The following TDRP variants were observed in gnomAD, a reference collection of about 807,000 sequenced individuals.
TDRP encodes the protein testis development-related protein.
TDRP carries 12 observed loss-of-function variants against 10.5 expected under a neutral mutation model. The observed-to-expected ratio is 1.15, with a 90% confidence interval of 0.73 to 1.86. The LOEUF (loss-of-function observed/expected upper bound fraction) is 1.86, where lower values mean the gene tolerates loss of function less well. TDRP is among the 40% of genes most tolerant of loss of function. TDRP has a pLI of 0.00. For synonymous variants in TDRP, 139 were observed against 95.4 expected, an observed-to-expected ratio of 1.46 and a Z score of -2.67; for missense variants, 353 against 229.2, an observed-to-expected ratio of 1.54 and a Z score of -3.49.
chr8:507,007 A>C (rs1002560898), intron 1 of TDRP, among the ~76,000 whole-genome samples: 1 of 152,200 alleles, frequency 6.6e-6, no homozygotes. Flanking sequence ...ACAGTTCTGC[A>C]AGCTTAACAG....
At chr8:515,395 G>C (rs1801730968) in intron 1 of TDRP, among the ~76,000 whole-genome samples, 1 of 152,176 alleles carries the variant, frequency 6.6e-6, no homozygotes, top group African/African-American at 2.4e-5. Flanking sequence ...CCCCTTATCT[G>C]AGATGCTTGG....
intron 1 of TDRP, among the ~76,000 whole-genome samples, chr8:508,587 C>T (rs1801529444): frequency 1.3e-5 from 2 of 152,132 alleles, no homozygotes; most frequent in African/African-American, 2.4e-5. Flanking sequence ...GGGAAACCAC[C>T]CCCAGGATCC....
chr8:509,951 T>C (rs1801567604), intron 1 of TDRP, among the ~76,000 whole-genome samples: 1 of 152,170 alleles, frequency 6.6e-6, no homozygotes, highest in South Asian at 2.1e-4. Context: ...ACCTGAGAAG[T>C]GGAGGTTGCA....
At chr8:526,834 T>C (rs1274983956) in intron 1 of TDRP, among the ~76,000 whole-genome samples, 1 of 152,164 alleles carries the variant, frequency 6.6e-6, no homozygotes, top group Middle Eastern at 3.2e-3. Context: ...TTATTCAACG[T>C]AGTACTGGAA....
At chr8:543,648 C>T (rs1802558597) in intron 1 of TDRP, among the ~76,000 whole-genome samples, 1 of 151,732 alleles carries the variant, frequency 6.6e-6, no homozygotes, top group Non-Finnish European at 1.5e-5. Context: ...TTAACATAAT[C>T]GGCTCCATTT....
intron 1 of TDRP, among the ~76,000 whole-genome samples, chr8:507,044 A>C (rs944235165): frequency 6.6e-6 from 1 of 152,194 alleles, no homozygotes; most frequent in Admixed American, 6.5e-5. Context: ...GCTTTGGGAA[A>C]CTTACAATCA....
intron 1 of TDRP, among the ~76,000 whole-genome samples, chr8:522,216 G>C (rs913214992): frequency 6.6e-6 from 1 of 152,108 alleles, no homozygotes; most frequent in Non-Finnish European, 1.5e-5. Context: ...TCACACATTT[G>C]AGCACTCTGC....
intron 1 of TDRP, among the ~76,000 whole-genome samples, chr8:505,959 A>G (rs1314510938): frequency 6.6e-6 from 1 of 152,152 alleles, no homozygotes; most frequent in Non-Finnish European, 1.5e-5. Context: ...GTCCCTAAGC[A>G]GCAGGGTAGT....
At chr8:527,162 AT>A (rs1802056275) in intron 1 of TDRP, among the ~76,000 whole-genome samples, 1 of 152,190 alleles carries the variant, frequency 6.6e-6, no homozygotes, top group Non-Finnish European at 1.5e-5. Context: ...AAAAAATAAA[AT>A]TAAAAAAGTA....
At chr8:530,815 G>A (rs1247769811) in intron 1 of TDRP, among the ~76,000 whole-genome samples, 1 of 152,156 alleles carries the variant, frequency 6.6e-6, no homozygotes, top group Non-Finnish European at 1.5e-5. Flanking sequence ...TGAAAAGCCA[G>A]AATGTTAAAT....
chr8:504,238 A>G (rs1000212146), intron 1 of TDRP, among the ~76,000 whole-genome samples: 5 of 152,208 alleles, frequency 3.3e-5, no homozygotes, highest in African/African-American at 1.2e-4. Context: ...TTCTGCAAAC[A>G]TATCTTTTAA....
intron 1 of TDRP, among the ~76,000 whole-genome samples, chr8:522,609 C>T (rs890897546): frequency 3.9e-5 from 6 of 152,280 alleles, no homozygotes; most frequent in African/African-American, 4.8e-5. Context: ...TGCTTTGCCC[C>T]GCACAGATCT....
At chr8:533,033 G>T (rs1802248090) in intron 1 of TDRP, among the ~76,000 whole-genome samples, 1 of 152,142 alleles carries the variant, frequency 6.6e-6, no homozygotes, top group African/African-American at 2.4e-5. Context: ...TTGCCCCAAA[G>T]TCCCAAAATG....
At chr8:524,413 A>C (rs2116832847) in intron 1 of TDRP, among the ~76,000 whole-genome samples, 1 of 152,306 alleles carries the variant, frequency 6.6e-6, no homozygotes, top group South Asian at 2.1e-4. Flanking sequence ...ACAAGAATCA[A>C]GATCATCCAG....
chr8:492,820 A>T, intron 2 of TDRP, 76 bp from the exon 3 acceptor site: 1 of 1,147,174 alleles, frequency 8.7e-7, no homozygotes, highest in Non-Finnish European at 1.2e-6. Flanking sequence ...TACAAACATA[A>T]AATTCTTTAA....
At chr8:529,483 T>C (rs11776347) in intron 1 of TDRP, among the ~76,000 whole-genome samples, 2,962 of 152,324 alleles carry the variant, frequency 0.019, 47 homozygotes, top group Non-Finnish European at 0.025. Flanking sequence ...CATATACTTT[T>C]ATATTGCTAT....
Position 544,672 on chromosome 8 carries a change from G to A in TDRP, c.86C>T (p.Ala29Val), listed in dbSNP as rs761824588. The change falls in exon 1 of 3, where the codon GCC (alanine) becomes GTC (valine). Residue 29 changes from alanine (A) to valine (V), a missense_variant. Ala to Val is a moderately conservative substitution (Grantham distance 64). Transcript: ENST00000324079. ...CACCTGCGCCTGGGCGGCGGCGGCG[G>A]CGGCCGGTGGCGGCCCCCCACGCAG... ...DGLRGGPPPA[A>V]AAAAQAQVQG... 2.4e-6 allele frequency: 3 copies of A among 1,244,318 alleles called. No homozygotes were observed. Among genetic ancestry groups the A allele is most frequent in the Non-Finnish European group, 2.0e-6 (2 of 995,392 alleles). The allele number at this position is 1,244,318 out of a possible 1,614,324, so 77.1% of individuals were successfully genotyped here.
In TDRP at chr8:492,481, C is replaced by T. The variant is rs1801006837; in HGVS notation, c.476G>A (p.Ser159Asn). The T allele has an allele frequency of 6.2e-7, 1 of 1,609,336 alleles. No homozygotes were observed. Among genetic ancestry groups the T allele is most frequent in the Non-Finnish European group, 8.5e-7 (1 of 1,176,732 alleles). Residue 159 changes from serine (S) to asparagine (N), a missense_variant, in exon 3 of 3, where the codon AGC becomes AAC. Ser to Asn is a conservative substitution (Grantham distance 46). Transcript: ENST00000324079. ...LASSANSSRW[S>N]LRAAGRLVSI... ...CACCAGCCTCCCTGCCGCGCGCAGG[C>T]TCCACCTGGAGCTGTTGGCAGAGCT...
At chr8:543,690 T>C (rs904794823) in intron 1 of TDRP, among the ~76,000 whole-genome samples, 1 of 152,156 alleles carries the variant, frequency 6.6e-6, no homozygotes, top group Non-Finnish European at 1.5e-5. Context: ...TTAACGTTCA[T>C]AGAAAATCTC....
Sources: allele counts gnomAD v4.1 joint callset (sites outside exome capture counted in the v4.1 genomes callset), GRCh38; gene constraint gnomAD v4.1.1; transcripts MANE v1.5; gene names NCBI Gene and HGNC (gene_info 2026-07-23, HGNC 2026-07-21).